NFIB: variants seen among roughly 807,000 people sequenced by gnomAD.
The protein encoded by NFIB is nuclear factor I B.
A neutral mutation model predicts 61.5 loss-of-function variants in NFIB; 11 were observed. That is an observed-to-expected ratio of 0.18 (90% CI 0.11 to 0.30). NFIB has a LOEUF of 0.30. Among genes scored for constraint, NFIB ranks in the 10% least tolerant of loss-of-function variants. The probability of loss-of-function intolerance (pLI) is 1.00; values close to 1 mark genes in which losing one functional copy is unlikely to be tolerated. For missense variants in NFIB, 471 were observed against 608.9 expected, an observed-to-expected ratio of 0.77 and a Z score of 2.38; for synonymous variants, 260 against 216.5, an observed-to-expected ratio of 1.20 and a Z score of -1.76.
the NFIB span, among the ~76,000 whole-genome samples, chr9:14,450,826 A>G: frequency 1.3e-5 from 2 of 152,342 alleles, no homozygotes; most frequent in South Asian, 4.1e-4. Flanking sequence ...ATTCTCATAT[A>G]TTTCAGTTGG....
chr9:14,342,018 G>A (rs1355164517), intron 1 of NFIB, among the ~76,000 whole-genome samples: 1 of 151,722 alleles, frequency 6.6e-6, no homozygotes, highest in East Asian at 1.9e-4. Flanking sequence ...GAAGTTGTGG[G>A]TCAGGACAAT....
chr9:14,403,139 C>T (rs1286751124), upstream of NFIB, among the ~76,000 whole-genome samples: 1 of 152,144 alleles, frequency 6.6e-6, no homozygotes, highest in African/African-American at 2.4e-5. Flanking sequence ...CACCTTTATC[C>T]CAGCCCCTTT....
chr9:14,307,183 T>C lies in NFIB; in HGVS notation c.368A>G (p.Gln123Arg). The change falls in exon 2 of 11, where the codon CAG becomes CGG. Residue 123 changes from glutamine to arginine, a missense_variant. This residue lies in a region of NFIB where 99 missense variants were observed against 213.3 expected (regional missense o/e 0.46). Coordinates refer to ENST00000380953, the MANE Select transcript of NFIB (RefSeq NM_001190737.2). This position sits in a 1 kb window ranked among gnomAD's most constrained non-coding sequence, Gnocchi z 5.3. Reference protein sequence around the residue: ...GKIRRIDCLRQADKVWRLDLV... With the variant: ...GKIRRIDCLRRADKVWRLDLV... ...ATCCAGACGCCAGACTTTGTCTGCCTGTCGCAGGCAGTCGATTCTCCTAAT... is the reference window on the plus strand; with the variant it reads ...ATCCAGACGCCAGACTTTGTCTGCCCGTCGCAGGCAGTCGATTCTCCTAAT... 1 of 1,614,134 alleles carries C rather than the reference T, an allele frequency of 6.2e-7. No individual in the cohort carries two copies. Among genetic ancestry groups the C allele is most frequent in the Non-Finnish European group, 8.5e-7 (1 of 1,180,026 alleles).
At chr9:14,094,065 C>T (rs747989306) in intron 10 of NFIB, among the ~76,000 whole-genome samples, 4 of 151,962 alleles carry the variant, frequency 2.6e-5, no homozygotes, top group Non-Finnish European at 5.9e-5. Flanking sequence ...GAAACTGAAG[C>T]GAGGAAGTTA....
intron 1 of NFIB, among the ~76,000 whole-genome samples, chr9:14,356,872 G>A (rs571580098): frequency 1.3e-5 from 2 of 152,136 alleles, no homozygotes; most frequent in South Asian, 2.1e-4. Context: ...GTGGTCATGG[G>A]GCTGTTATGG....
intron 1 of NFIB, among the ~76,000 whole-genome samples, chr9:14,335,474 C>G (rs552417188): frequency 6.6e-6 from 1 of 152,254 alleles, no homozygotes; most frequent in South Asian, 2.1e-4. Flanking sequence ...GCTTACTTGC[C>G]ATTTCTATAT....
chr9:14,350,537 C>G (rs929059130), intron 1 of NFIB, among the ~76,000 whole-genome samples: 1 of 151,966 alleles, frequency 6.6e-6, no homozygotes, highest in Non-Finnish European at 1.5e-5. Context: ...TGGGGGTCTT[C>G]TAGCTGTTGG....
chr9:14,136,442 A>C lies in NFIB; in HGVS notation c.925+10247T>G, dbSNP rs1474486509. 4.6e-5 allele frequency among the ~76,000 whole-genome samples: 7 copies of C among 152,312 alleles called. No individual in the cohort carries two copies. The East Asian group carries it at 1.3e-3, about 29-fold the overall frequency. On this transcript the variant is annotated intron_variant, in intron 6 of 10. Transcript: ENST00000380953. ...AGCATCTGAGAGCCATGGGCTATAA[A>C]ATAAAATCAATACCATAACCTTAAC...
chr9:14,330,411 C>T (rs907723844), intron 1 of NFIB, among the ~76,000 whole-genome samples: 51 of 152,234 alleles, frequency 3.4e-4, no homozygotes, highest in African/African-American at 1.2e-3. Context: ...ACACATGGTG[C>T]AACCAAGCAT....
At chr9:14,126,611 G>A (rs1200412516) in intron 6 of NFIB, among the ~76,000 whole-genome samples, 2 of 152,182 alleles carry the variant, frequency 1.3e-5, no homozygotes, top group Non-Finnish European at 2.9e-5. Flanking sequence ...AACAGTGTGT[G>A]GAGTGGTGAA....
chr9:14,442,991 GGCAAA>G, the NFIB span, among the ~76,000 whole-genome samples: 2 of 152,030 alleles, frequency 1.3e-5, no homozygotes, highest in Non-Finnish European at 2.9e-5. Flanking sequence ...TGTGGTGGCA[GGCAAA>G]TCTTTCACAG....
the NFIB span, among the ~76,000 whole-genome samples, chr9:14,426,479 A>AT: frequency 6.6e-6 from 1 of 152,140 alleles, no homozygotes; most frequent in Admixed American, 6.5e-5. Flanking sequence ...TTGTATCTTC[A>AT]TGTTTTATGG....
chr9:14,438,013 TGTG>T, the NFIB span, among the ~76,000 whole-genome samples: 1 of 33,728 alleles, frequency 3.0e-5, no homozygotes, highest in South Asian at 7.9e-4. Flanking sequence ...CCCATCCTAG[TGTG>T]TGTGTGTGTG....
intron 6 of NFIB, among the ~76,000 whole-genome samples, chr9:14,141,904 A>C (rs1396932164): frequency 8.5e-6 from 1 of 117,902 alleles, no homozygotes; most frequent in African/African-American, 4.0e-5. Context: ...GCTGCTCACA[A>C]AAAAAAAAAA....
chr9:14,126,122 G>T (rs1198088869), intron 6 of NFIB, among the ~76,000 whole-genome samples: 2 of 152,140 alleles, frequency 1.3e-5, no homozygotes, highest in Non-Finnish European at 2.9e-5. Context: ...TCAGAAGATT[G>T]TCTTTCGACA....
intron 2 of NFIB, among the ~76,000 whole-genome samples, chr9:14,306,670 G>A (rs1276911054): frequency 6.6e-6 from 1 of 152,106 alleles, no homozygotes; most frequent in African/African-American, 2.4e-5. Context: ...ACGACAGAAA[G>A]TATAGTGTAA....
intron 2 of NFIB, among the ~76,000 whole-genome samples, chr9:14,236,671 G>A (rs538183318): frequency 2.9e-4 from 44 of 152,220 alleles, no homozygotes; most frequent in African/African-American, 1.0e-3. Context: ...TCTATTTAAT[G>A]AATAAGGATA....
At chr9:14,228,553 C>T (rs1284846337) in intron 2 of NFIB, among the ~76,000 whole-genome samples, 2 of 152,190 alleles carry the variant, frequency 1.3e-5, no homozygotes, top group African/African-American at 4.8e-5. Context: ...AAAAGCCACA[C>T]TCCATTTTAG....
chr9:14,403,806 G>T (rs1271790851), upstream of NFIB, among the ~76,000 whole-genome samples: 1 of 152,158 alleles, frequency 6.6e-6, no homozygotes, highest in Non-Finnish European at 1.5e-5. Flanking sequence ...CTCTGTCAAA[G>T]AGATGCCATA....
Sources: allele counts gnomAD v4.1 joint callset (sites outside exome capture counted in the v4.1 genomes callset), GRCh38; gene constraint gnomAD v4.1.1; regional missense constraint gnomAD v4.1.1; non-coding constraint Gnocchi (gnomAD v3.1); transcripts MANE v1.5; gene names NCBI Gene and HGNC (gene_info 2026-07-23, HGNC 2026-07-21).